TEKT3: variants seen among roughly 807,000 people sequenced by gnomAD.
TEKT3 encodes tektin-3.
Under a neutral mutation model 49.8 loss-of-function variants are expected in TEKT3, and 49 were observed. The observed-to-expected ratio is 0.98, with a 90% CI of 0.78 to 1.25. The LOEUF is 1.25. Ranked by LOEUF, TEKT3 falls within the 50% of genes most tolerant of loss-of-function variation. The pLI is 0.00. For missense variants in TEKT3, 595 were observed against 629.5 expected, an observed-to-expected ratio of 0.95 and a Z score of 0.59; for synonymous variants, 225 against 237.2, an observed-to-expected ratio of 0.95 and a Z score of 0.47.
chr17:15,337,321 GA>G (rs1312459164), intron 2 of TEKT3, among the ~76,000 whole-genome samples: 2 of 151,530 alleles, frequency 1.3e-5, no homozygotes, highest in African/African-American at 4.8e-5. Flanking sequence ...GACCAATAAT[GA>G]AGGAAAAAAA....
At position 15,324,704 on chromosome 17, in the gene TEKT3, T is replaced by C. The variant is rs541581655; in HGVS notation, c.663+3288A>G. On this transcript the variant is annotated intron_variant, in intron 4 of 8. Coordinates refer to ENST00000395930, the MANE Select transcript of TEKT3 (RefSeq NM_031898.3). Reference sequence around the variant, plus strand: ...GTTGATTTTTTTTAATTGTGACAGTTATTTATATATTCTACATACAACTCT... The same window carrying C: ...GTTGATTTTTTTTAATTGTGACAGTCATTTATATATTCTACATACAACTCT... Among the ~76,000 whole-genome samples the C allele has an allele frequency of 2.6e-5, 4 of 152,224 alleles. No individual in the cohort carries two copies. In the East Asian group the frequency reaches 7.7e-4, roughly 29 times the overall value.
intron 2 of TEKT3, among the ~76,000 whole-genome samples, chr17:15,332,077 G>C (rs974469230): frequency 3.3e-5 from 5 of 151,288 alleles, no homozygotes; most frequent in Non-Finnish European, 4.4e-5. Context: ...TACTCAGGAG[G>C]CTGAGGCAGG....
chr17:15,314,343 TC>T (rs1910909324), intron 5 of TEKT3, 113 bp from the exon 6 acceptor site: 1 of 1,401,742 alleles, frequency 7.1e-7, no homozygotes, highest in African/African-American at 1.4e-5. Flanking sequence ...TCACCATCTC[TC>T]CCTCTTCACA....
rs1233699857 is a variant in TEKT3 at position 15,314,185 on chromosome 17, G to T, written c.780C>A (p.Asp260Glu). Residue 260 changes from aspartate (D) to glutamate (E), a missense_variant, in exon 6 of 9, where the codon GAC becomes GAA. Transcript: ENST00000395930. Reference sequence around the variant, plus strand: ...CGTCGATCCGGTAAGCCGTCTGTTTGTCACTCAGGTCCTTTTCCAGCTCAT... The same window carrying T: ...CGTCGATCCGGTAAGCCGTCTGTTTTTCACTCAGGTCCTTTTCCAGCTCAT... ...SQHELEKDLS[D>E]KQTAYRIDDK... 1.2e-6 allele frequency: 2 copies of T among 1,614,216 alleles called. No individual in the cohort carries two copies. Among genetic ancestry groups the T allele is most frequent in the Non-Finnish European group, 1.7e-6 (2 of 1,180,028 alleles).
At chr17:15,316,774 T>C (rs1911031043) in intron 5 of TEKT3, among the ~76,000 whole-genome samples, 1 of 152,212 alleles carries the variant, frequency 6.6e-6, no homozygotes, top group Admixed American at 6.5e-5. Flanking sequence ...AAGATAATTA[T>C]GTGCCTAACA....
intron 4 of TEKT3, among the ~76,000 whole-genome samples, chr17:15,325,838 G>A (rs550638805): frequency 3.2e-4 from 49 of 152,174 alleles, no homozygotes; most frequent in Non-Finnish European, 6.2e-4. Flanking sequence ...GACAAAGTAG[G>A]TGACAGATTA....
Position 15,304,729 on chromosome 17 carries a change from C to A in TEKT3, c.1257-577G>T, listed in dbSNP as rs555280834. Among the ~76,000 whole-genome samples, 31 of 152,326 alleles carry A rather than the reference C, an allele frequency of 2.0e-4. No individual in the cohort carries two copies. The South Asian group carries it at 2.3e-3, about 11-fold the overall frequency. On this transcript the variant is annotated intron_variant, in intron 8 of 8. Coordinates refer to ENST00000395930, the MANE Select transcript of TEKT3 (RefSeq NM_031898.3). This position sits in a 1 kb window ranked among gnomAD's most constrained non-coding sequence, Gnocchi z 4.7. ...GACCCAGGAAGACCTATCTCATCAT[C>A]TGCAGACACATCCTGGAATATGCTT...
At chr17:15,317,546 C>T (rs929159296) in intron 5 of TEKT3, among the ~76,000 whole-genome samples, 1 of 152,178 alleles carries the variant, frequency 6.6e-6, no homozygotes, top group African/African-American at 2.4e-5. Context: ...GCGTACAAAC[C>T]TCTCCAACCT....
At chr17:15,320,267 T>G (rs1911193989) in intron 4 of TEKT3, among the ~76,000 whole-genome samples, 1 of 152,222 alleles carries the variant, frequency 6.6e-6, no homozygotes, top group African/African-American at 2.4e-5. Context: ...TTTGCCTTTT[T>G]TGCTTGTGTC....
At position 15,331,355 on chromosome 17, in the gene TEKT3, C is replaced by A; in HGVS notation, c.231G>T (p.Glu77Asp). 1 of 1,614,176 alleles carries A rather than the reference C, an allele frequency of 6.2e-7. No individual in the cohort carries two copies. ...PYCTRSQRVS[E>D]NTMLPFVSNR... ...TGGAAACAAAGGGAAGCATGGTATTCTCGGACACCCTCTGTGATCTGGTGC... is the reference window on the plus strand; with the variant it reads ...TGGAAACAAAGGGAAGCATGGTATTATCGGACACCCTCTGTGATCTGGTGC... Residue 77 changes from glutamate (E) to aspartate (D), a missense_variant, in exon 3 of 9, where the codon GAG becomes GAT. By Grantham distance (45) the Glu-to-Asp change is conservative. Transcript: ENST00000395930.
At chr17:15,339,788 AT>A (rs1912146268) in intron 2 of TEKT3, among the ~76,000 whole-genome samples, 2 of 152,200 alleles carry the variant, frequency 1.3e-5, no homozygotes, top group South Asian at 4.1e-4. Context: ...ACAGTTCTAA[AT>A]AGGAGCGGAA....
In TEKT3 at chr17:15,331,510, T is replaced by G; in HGVS notation, c.76A>C (p.Ile26Leu). The change falls in exon 3 of 9, where the codon ATC (isoleucine) becomes CTC (leucine). Residue 26 changes from isoleucine to leucine, a missense_variant. Coordinates refer to ENST00000395930, the MANE Select transcript of TEKT3 (RefSeq NM_031898.3). ...RPTPTNFLPA[I>L]STMASSYRDR... ...CTGTAGCTTGAGGCCATGGTACTGA[T>G]GGCTGGTAGAAAGTTGGTTGGTGTT... The G allele has an allele frequency of 6.2e-7, 1 of 1,614,092 alleles. No homozygotes were observed. Among genetic ancestry groups the G allele is most frequent in the East Asian group, 2.2e-5 (1 of 44,878 alleles).
At position 15,331,174 on chromosome 17, in the gene TEKT3, T is replaced by C. The variant is rs1473621969; in HGVS notation, c.412A>G (p.Thr138Ala). The change falls in exon 3 of 9, where the codon ACT becomes GCT. Residue 138 changes from threonine to alanine, a missense_variant. Transcript: ENST00000395930. ...IQDKYQQTRK[T>A]QADTTQNLGE... ...AGATTTTGGGTTGTGTCTGCCTGAG[T>C]TTTTCTTGTTTGTTGATATTTGTCT... The C allele has an allele frequency of 1.2e-6, 2 of 1,614,102 alleles. No homozygotes were observed. Among genetic ancestry groups the C allele is most frequent in the Non-Finnish European group, 1.7e-6 (2 of 1,180,020 alleles).
At chr17:15,319,995 C>A (rs75041146) in intron 4 of TEKT3, among the ~76,000 whole-genome samples, 2 of 152,138 alleles carry the variant, frequency 1.3e-5, no homozygotes, top group South Asian at 4.1e-4. Flanking sequence ...TGATGAATGA[C>A]CTTGATCAAT....
In TEKT3 at chr17:15,318,106, C is replaced by G. The variant is rs558668579; in HGVS notation, c.734+971G>C. On this transcript the variant is annotated intron_variant, in intron 5 of 8. Coordinates refer to ENST00000395930, the MANE Select transcript of TEKT3 (RefSeq NM_031898.3). Reference sequence around the variant, plus strand: ...CCAGGTTCACGCCATTCTCTTGCCTCAACCTCCCGAGTAGCTGGGACTACA... The same window carrying G: ...CCAGGTTCACGCCATTCTCTTGCCTGAACCTCCCGAGTAGCTGGGACTACA... Among the ~76,000 whole-genome samples the G allele has an allele frequency of 2.0e-5, 3 of 151,426 alleles. No individual in the cohort carries two copies. The South Asian group carries it at 6.3e-4, about 32-fold the overall frequency.
At chr17:15,343,319 T>G (rs1912289440), upstream of TEKT3, among the ~76,000 whole-genome samples, 1 of 152,238 alleles carries the variant, frequency 6.6e-6, no homozygotes, top group Non-Finnish European at 1.5e-5. Context: ...AACTCTGTTC[T>G]CCATAGAAAG....
At chr17:15,314,424 T>G in intron 5 of TEKT3, 194 bp from the exon 6 acceptor site, 7 of 544,234 alleles carry the variant, frequency 1.3e-5, no homozygotes, top group Non-Finnish European at 1.6e-5. Flanking sequence ...ACTGGGACCC[T>G]AACTCCCACC....
intron 8 of TEKT3, among the ~76,000 whole-genome samples, chr17:15,307,198 G>C (rs1358235381): frequency 1.3e-5 from 2 of 152,246 alleles, no homozygotes; most frequent in Non-Finnish European, 2.9e-5. Flanking sequence ...GTGTGAGAGG[G>C]AGATGAGCAT....
At chr17:15,316,246 C>G (rs190754954) in intron 5 of TEKT3, among the ~76,000 whole-genome samples, 9 of 152,186 alleles carry the variant, frequency 5.9e-5, no homozygotes, top group African/African-American at 1.9e-4. Flanking sequence ...AAGCTGAGAC[C>G]CTGTTAGAGA....
Sources: gnomAD v4.1 joint callset for allele counts (sites outside exome capture counted in the v4.1 genomes callset) on GRCh38, gnomAD v4.1.1 for gene constraint, Gnocchi (gnomAD v3.1) non-coding constraint, MANE v1.5 for transcripts, NCBI Gene and HGNC (gene_info 2026-07-23, HGNC 2026-07-21) for gene names.